The following GNA14 variants were observed in gnomAD, a reference collection of about 807,000 sequenced individuals.
The protein encoded by GNA14 is G protein subunit alpha 14, also known as guanine nucleotide-binding protein subunit alpha-14.
A neutral mutation model predicts 42.0 loss-of-function variants in GNA14; 50 were observed. The observed-to-expected ratio is 1.19, with a 90% confidence interval of 0.95 to 1.51. The LOEUF (loss-of-function observed/expected upper bound fraction) is 1.51, where lower values mean the gene tolerates loss of function less well. GNA14 is among the 40% of genes most tolerant of loss of function. The pLI, the probability that GNA14 is intolerant of heterozygous loss-of-function variation, is 0.00. For synonymous variants in GNA14, 173 were observed against 163.1 expected (o/e 1.06, Z -0.46); for missense variants, 473 against 446.2 (o/e 1.06, Z -0.54).
intron 1 of GNA14, among the ~76,000 whole-genome samples, chr9:77,556,222 C>A (rs778522553): frequency 2.6e-5 from 4 of 152,026 alleles, no homozygotes; most frequent in African/African-American, 7.3e-5. Flanking sequence ...ACAGTCTGGG[C>A]GACAATGTGA....
chr9:77,480,224 G>A (rs551467817), intron 2 of GNA14, among the ~76,000 whole-genome samples: 19 of 152,132 alleles, frequency 1.2e-4, no homozygotes, highest in East Asian at 9.7e-4. Flanking sequence ...AGATATGTCC[G>A]ATCACAACCT....
At chr9:77,567,315 A>G (rs1277661486) in intron 1 of GNA14, among the ~76,000 whole-genome samples, 1 of 152,162 alleles carries the variant, frequency 6.6e-6, no homozygotes, top group Non-Finnish European at 1.5e-5. Flanking sequence ...TTAATGACAT[A>G]TCAATATAAG....
At chr9:77,631,543 G>T (rs1044143806) in intron 1 of GNA14, among the ~76,000 whole-genome samples, 1 of 150,210 alleles carries the variant, frequency 6.7e-6, no homozygotes, top group African/African-American at 2.5e-5. Context: ...AAATCTGAAA[G>T]TTTAGGAAGC....
At chr9:77,522,333 C>T (rs762747939) in intron 2 of GNA14, among the ~76,000 whole-genome samples, 10 of 152,200 alleles carry the variant, frequency 6.6e-5, no homozygotes, top group Non-Finnish European at 1.5e-4. Context: ...AGAGCTGGAA[C>T]TCTGGGCATG....
At chr9:77,512,290 G>A (rs1230304030) in intron 2 of GNA14, among the ~76,000 whole-genome samples, 1 of 152,152 alleles carries the variant, frequency 6.6e-6, no homozygotes, top group Admixed American at 6.5e-5. Flanking sequence ...GGGACTAGAG[G>A]AGTTTTAGTC....
At position 77,506,475 on chromosome 9, in the gene GNA14, G is replaced by A. The variant is rs564541931; in HGVS notation, c.309+22594C>T. 1.8e-4 allele frequency among the ~76,000 whole-genome samples: 27 copies of A among 152,140 alleles called. No homozygotes were observed. In the East Asian group the frequency reaches 5.0e-3, roughly 28 times the overall value. On this transcript the variant is annotated intron_variant, in intron 2 of 6. Coordinates refer to ENST00000341700, the MANE Select transcript of GNA14 (RefSeq NM_004297.4). ...GGGCAGATCATGAGGTCAAGAGATC[G>A]AGGTCATTCTGGCCAGTGTGGTGAA...
chr9:77,598,977 C>A (rs1006413283), intron 1 of GNA14, among the ~76,000 whole-genome samples: 3 of 152,216 alleles, frequency 2.0e-5, no homozygotes, highest in African/African-American at 7.2e-5. Flanking sequence ...AAGAACACCA[C>A]TGCCTCTGAT....
intron 1 of GNA14, among the ~76,000 whole-genome samples, chr9:77,614,016 G>A (rs1564066720): frequency 6.6e-6 from 1 of 152,194 alleles, no homozygotes; most frequent in East Asian, 1.9e-4. Context: ...GTATTAGTCA[G>A]AATATGCTGG....
chr9:77,590,490 G>A (rs927208542), intron 1 of GNA14, among the ~76,000 whole-genome samples: 36 of 152,146 alleles, frequency 2.4e-4, no homozygotes, highest in Admixed American at 2.2e-3. Flanking sequence ...AAAATGGCAT[G>A]GCATGGCTAC....
intron 1 of GNA14, among the ~76,000 whole-genome samples, chr9:77,556,873 T>C (rs1822789204): frequency 6.6e-6 from 1 of 152,198 alleles, no homozygotes; most frequent in Admixed American, 6.5e-5. Context: ...GCACTTTCTT[T>C]TTGGGGACAA....
intron 2 of GNA14, among the ~76,000 whole-genome samples, chr9:77,461,282 G>A (rs749229398): frequency 2.6e-5 from 4 of 152,154 alleles, no homozygotes; most frequent in South Asian, 2.1e-4. Flanking sequence ...GCAGAATCTC[G>A]GCTCCCACCC....
intron 1 of GNA14, among the ~76,000 whole-genome samples, chr9:77,541,042 G>A (rs1454733517): frequency 6.6e-6 from 1 of 151,940 alleles, no homozygotes; most frequent in Admixed American, 6.6e-5. Context: ...TCTCTTGTTT[G>A]TCATTGTGGT....
intron 2 of GNA14, among the ~76,000 whole-genome samples, chr9:77,492,652 A>G (rs1446647921): frequency 6.6e-6 from 1 of 152,282 alleles, no homozygotes; most frequent in East Asian, 1.9e-4. Context: ...TAGCATCTTA[A>G]CATGCATTTC....
intron 1 of GNA14, among the ~76,000 whole-genome samples, chr9:77,594,858 G>T (rs1376716293): frequency 1.3e-5 from 2 of 152,188 alleles, no homozygotes; most frequent in Non-Finnish European, 2.9e-5. Flanking sequence ...ATAAGTCCAT[G>T]CTCACTCTAA....
At chr9:77,459,817 C>T (rs1386345958) in intron 2 of GNA14, among the ~76,000 whole-genome samples, 3 of 152,174 alleles carry the variant, frequency 2.0e-5, no homozygotes, top group South Asian at 2.1e-4. Context: ...TCACAGCCCA[C>T]GGGGCCTAGA....
At chr9:77,622,508 C>G (rs1317730076) in intron 1 of GNA14, among the ~76,000 whole-genome samples, 1 of 152,134 alleles carries the variant, frequency 6.6e-6, no homozygotes, top group South Asian at 2.1e-4. Context: ...GTGGCTCATG[C>G]TTGTAATCCC....
At chr9:77,543,213 T>A (rs1587824386) in intron 1 of GNA14, among the ~76,000 whole-genome samples, 1 of 152,214 alleles carries the variant, frequency 6.6e-6, no homozygotes, top group South Asian at 2.1e-4. Context: ...AGGATTGTGC[T>A]TTCAGGCTGG....
At chr9:77,620,217 A>C (rs1384454472) in intron 1 of GNA14, among the ~76,000 whole-genome samples, 1 of 152,222 alleles carries the variant, frequency 6.6e-6, no homozygotes, top group African/African-American at 2.4e-5. Context: ...GAGATTGCCA[A>C]ATCCAGCCTT....
At chr9:77,478,065 T>A (rs1429006692) in intron 2 of GNA14, among the ~76,000 whole-genome samples, 1 of 151,578 alleles carries the variant, frequency 6.6e-6, no homozygotes, top group Non-Finnish European at 1.5e-5. Flanking sequence ...TTAGGGTACA[T>A]ATGCATAATG....
Sources: gnomAD v4.1 joint callset for allele counts (sites outside exome capture counted in the v4.1 genomes callset) on GRCh38, gnomAD v4.1.1 for gene constraint, MANE v1.5 for transcripts, NCBI Gene and HGNC (gene_info 2026-07-23, HGNC 2026-07-21) for gene names.